JAKMIP3: variants seen among roughly 807,000 people sequenced by gnomAD.
The protein encoded by JAKMIP3 is Janus kinase and microtubule interacting protein 3, also known as janus kinase and microtubule-interacting protein 3.
JAKMIP3 carries 58 observed loss-of-function variants against 118.5 expected under a neutral mutation model. The ratio of observed to expected loss-of-function variants is 0.49; its 90% CI spans 0.40 to 0.61. The LOEUF is 0.61. JAKMIP3 is among the 20% of genes least tolerant of loss of function. The probability of loss-of-function intolerance (pLI) is 0.00; values close to 1 mark genes in which losing one functional copy is unlikely to be tolerated. For synonymous variants in JAKMIP3, 486 were observed against 451.2 expected, an observed-to-expected ratio of 1.08 and a Z score of -0.98; for missense variants, 950 against 1,109.0, an observed-to-expected ratio of 0.86 and a Z score of 2.04.
At position 132,091,028 on chromosome 10, in the gene JAKMIP3, T is replaced by C. The variant is rs191555713; in HGVS notation, c.-137-13644T>C. ...AACATCTTTATTTCTGCCTTGATTTTGTTATGTACCCAGTAGTCATTCAGG... is the reference window on the plus strand; with the variant it reads ...AACATCTTTATTTCTGCCTTGATTTCGTTATGTACCCAGTAGTCATTCAGG... On this transcript the variant is annotated intron_variant, in intron 1 of 23. Coordinates refer to ENST00000684848, the MANE Select transcript of JAKMIP3 (RefSeq NM_001323087.2). 4.5e-4 allele frequency among the ~76,000 whole-genome samples: 68 copies of C among 152,348 alleles called. 2 individuals are homozygous for C. The East Asian group carries it at 0.011, about 25-fold the overall frequency.
Position 132,138,023 on chromosome 10 carries a change from T to G in JAKMIP3, c.1285-96T>G, listed in dbSNP as rs901820380. ...AAGCCAGCCCAGACACCGTCTTCCC[T>G]GTCATCCAAATGATGGCACACGGGC... On this transcript the variant is annotated intron_variant, in intron 8 of 23. Coordinates refer to ENST00000684848, the MANE Select transcript of JAKMIP3 (RefSeq NM_001323087.2). The G allele has an allele frequency of 2.3e-5, 27 of 1,181,044 alleles. No individual in the cohort carries two copies. In the African/African-American group the frequency reaches 3.5e-4, roughly 15 times the overall value. 73.2% of individuals were successfully genotyped at this position (1,181,044 alleles called of 1,614,324 possible).
chr10:132,098,044 T>C (rs561179467), intron 1 of JAKMIP3, among the ~76,000 whole-genome samples: 31 of 149,310 alleles, frequency 2.1e-4, no homozygotes, highest in Non-Finnish European at 3.9e-4. Flanking sequence ...TCTTTTCTCT[T>C]TCTTTTTTTG....
At chr10:132,127,682 C>T (rs1443684054) in intron 3 of JAKMIP3, among the ~76,000 whole-genome samples, 1 of 151,730 alleles carries the variant, frequency 6.6e-6, no homozygotes. Context: ...TTTTTTTTCC[C>T]TCCCTCCCTC....
In JAKMIP3 at chr10:132,085,626, G is replaced by A. The variant is rs763875231; in HGVS notation, c.-137-19046G>A. On this transcript the variant is annotated intron_variant, in intron 1 of 23. Transcript: ENST00000684848. ...AGCGATTCTTCTGCCTCAGCCTCCC[G>A]AGTAGCTGGGACTACCAGCGCATGC... Among the ~76,000 whole-genome samples, 150 of 151,644 alleles carry A rather than the reference G, an allele frequency of 9.9e-4. 2 individuals carry two copies. Among genetic ancestry groups the A allele is most frequent in the Admixed American group, 2.5e-3 (38 of 15,216 alleles).
intron 2 of JAKMIP3, among the ~76,000 whole-genome samples, chr10:132,108,285 C>T (rs941373779): frequency 2.6e-5 from 4 of 152,146 alleles, no homozygotes; most frequent in Non-Finnish European, 5.9e-5. Flanking sequence ...GGCCGCTCAG[C>T]ATCTGCATCG....
intron 23 of JAKMIP3, among the ~76,000 whole-genome samples, chr10:132,177,632 C>T (rs2060281435): frequency 6.9e-6 from 1 of 144,900 alleles, no homozygotes; most frequent in Non-Finnish European, 1.5e-5. Flanking sequence ...GGTGTGTATA[C>T]ACTTGCTCCT....
At chr10:132,094,902 T>C (rs934303507) in intron 1 of JAKMIP3, among the ~76,000 whole-genome samples, 5 of 152,246 alleles carry the variant, frequency 3.3e-5, no homozygotes, top group Admixed American at 6.5e-5. Flanking sequence ...CGGGTCTTGC[T>C]GTGGCTGCTG....
intron 1 of JAKMIP3, among the ~76,000 whole-genome samples, chr10:132,054,751 G>A (rs918150309): frequency 2.1e-4 from 32 of 152,302 alleles, no homozygotes; most frequent in African/African-American, 7.2e-4. Flanking sequence ...GCAGCACCAC[G>A]GACAGCACCG....
intron 21 of JAKMIP3, among the ~76,000 whole-genome samples, chr10:132,165,567 C>A (rs2058811583): frequency 6.6e-6 from 1 of 152,238 alleles, no homozygotes; most frequent in Non-Finnish European, 1.5e-5. Flanking sequence ...CTGCCTCATC[C>A]TTCCGGAGAG....
chr10:132,180,692 C>CGCGT lies in JAKMIP3; in HGVS notation c.*1104-1664_*1104-1663insCGTG, dbSNP rs1565020759. Among the ~76,000 whole-genome samples, 27 of 11,268 alleles carry CGCGT rather than the reference C, an allele frequency of 2.4e-3. 4 individuals are homozygous for CGCGT. The highest frequency in any genetic ancestry group is 9.8e-3 in the African/African-American group (26 of 2,644). The allele number at this position is 11,268 out of a possible 152,430, so 7.4% of individuals were successfully genotyped here. A position where few individuals can be genotyped will look rare whatever the true frequency, so the allele number is the denominator to read the frequency against. ...GTGTGTGTGCGCGCGCGTGTGTGTG[C>CGCGT]GTGCGTGTGTGTGTGCGCGTGTGTG... On this transcript the variant is annotated intron_variant, in intron 23 of 23. Coordinates refer to ENST00000684848, the MANE Select transcript of JAKMIP3 (RefSeq NM_001323087.2).
intron 3 of JAKMIP3, among the ~76,000 whole-genome samples, chr10:132,128,968 G>A (rs2050116198): frequency 6.6e-6 from 1 of 152,144 alleles, no homozygotes; most frequent in South Asian, 2.1e-4. Flanking sequence ...CTGTTGATGT[G>A]CTGCCACAGA....
chr10:132,150,326 G>A (rs909145455), intron 16 of JAKMIP3, among the ~76,000 whole-genome samples: 4 of 152,162 alleles, frequency 2.6e-5, no homozygotes, highest in African/African-American at 9.7e-5. Flanking sequence ...CTTGCCATGA[G>A]GATAGGGGGC....
At chr10:132,043,164 T>C (rs1385185381) in intron 1 of JAKMIP3, among the ~76,000 whole-genome samples, 1 of 152,196 alleles carries the variant, frequency 6.6e-6, no homozygotes, top group Admixed American at 6.5e-5. Context: ...CTGTGTTTTG[T>C]TCCCTCTGCT....
rs552303695 is a variant in JAKMIP3 at position 132,117,988 on chromosome 10, C to T, written c.633+414C>T. On this transcript the variant is annotated intron_variant, in intron 3 of 23. Coordinates refer to ENST00000684848, the MANE Select transcript of JAKMIP3 (RefSeq NM_001323087.2). This position sits in a 1 kb window ranked among gnomAD's most constrained non-coding sequence, Gnocchi z 8.6. Reference sequence around the variant, plus strand: ...TGACACCAGGCAGGGCTCAGTGTTTCGCAGCAGGAGTCCCACACATCCTCA... The same window carrying T: ...TGACACCAGGCAGGGCTCAGTGTTTTGCAGCAGGAGTCCCACACATCCTCA... Among the ~76,000 whole-genome samples the T allele has an allele frequency of 7.9e-5, 12 of 152,252 alleles. No homozygotes were observed. The highest frequency in any genetic ancestry group is 1.6e-4 in the Non-Finnish European group (11 of 68,004).
At chr10:132,124,611 C>T (rs2049166227) in intron 3 of JAKMIP3, among the ~76,000 whole-genome samples, 1 of 151,362 alleles carries the variant, frequency 6.6e-6, no homozygotes, top group East Asian at 2.0e-4. Context: ...ACAGCCGAGC[C>T]AGCCAGCTGT....
At position 132,141,768 on chromosome 10, in the gene JAKMIP3, G is replaced by A. The variant is rs548278280; in HGVS notation, c.1474-152G>A. On this transcript the variant is annotated intron_variant, in intron 10 of 23. Transcript: ENST00000684848. ...GGCAGCCGCCCCTCCCTGCACACTG[G>A]AGCAGGTCCCCTCCCTCATGCTGCT... 7.6e-4 allele frequency among the ~76,000 whole-genome samples: 116 copies of A among 152,256 alleles called. 1 individual carries two copies. The South Asian group carries it at 0.023, about 31-fold the overall frequency.
In JAKMIP3 at chr10:132,104,755, A is replaced by G; in HGVS notation, c.-54A>G. 1 of 1,534,164 alleles carries G rather than the reference A, an allele frequency of 6.5e-7. No individual in the cohort carries two copies. ...TGGACACCCCAGCCACCCCCAGCCC[A>G]GCCCAGCCGGAGCACCCTACCCCTG... On this transcript the variant is annotated 5_prime_UTR_variant, in exon 2 of 24. Coordinates refer to ENST00000684848, the MANE Select transcript of JAKMIP3 (RefSeq NM_001323087.2).
At chr10:132,079,030 C>T (rs377054878) in intron 1 of JAKMIP3, among the ~76,000 whole-genome samples, 42 of 151,924 alleles carry the variant, frequency 2.8e-4, no homozygotes, top group East Asian at 2.3e-3. Flanking sequence ...CAAATGCCCA[C>T]TCCTGCCCCG....
intron 11 of JAKMIP3, 44 bp downstream of exon 11, chr10:132,142,092 T>C: frequency 6.4e-7 from 1 of 1,556,064 alleles, no homozygotes. Context: ...CCTCGTGCCT[T>C]CCCGCTTGAC....
Sources: allele counts gnomAD v4.1 joint callset (sites outside exome capture counted in the v4.1 genomes callset), GRCh38; gene constraint gnomAD v4.1.1; non-coding constraint Gnocchi (gnomAD v3.1); transcripts MANE v1.5; gene names NCBI Gene and HGNC (gene_info 2026-07-23, HGNC 2026-07-21).